The following TNRC6B variants were observed in gnomAD, a reference collection of about 807,000 sequenced individuals.
TNRC6B encodes trinucleotide repeat containing adaptor 6B.
TNRC6B carries 52 observed loss-of-function variants against 203.6 expected under a neutral mutation model. That is an observed-to-expected ratio of 0.26 (90% CI 0.20 to 0.32). The LOEUF is 0.32. Ranked by LOEUF, TNRC6B falls within the 10% of genes least tolerant of loss-of-function variation. TNRC6B has a pLI of 1.00. For missense variants in TNRC6B, 1,923 were observed against 2,286.2 expected (o/e 0.84, Z 3.24); for synonymous variants, 838 against 845.7 (o/e 0.99, Z 0.16).
intron 1 of TNRC6B, among the ~76,000 whole-genome samples, chr22:40,051,125 T>C (rs1317802941): frequency 6.6e-6 from 1 of 152,166 alleles, no homozygotes; most frequent in Non-Finnish European, 1.5e-5. Flanking sequence ...ACCCAGCCTA[T>C]CCTGTAGTTT....
At chr22:40,222,728 C>CTTTTTTTTTTTTTTTTTTTTTTTTT (rs61374373) in intron 1 of TNRC6B, among the ~76,000 whole-genome samples, 1 of 40,214 alleles carries the variant, frequency 2.5e-5, no homozygotes, top group Non-Finnish European at 4.0e-5. Context: ...CTCTCTCTCT[C>CTTTTTTTTTTTTTTTTTTTTTTTTT]TTTTTTTTTT....
intron 1 of TNRC6B, among the ~76,000 whole-genome samples, chr22:40,239,426 CAA>C (rs749500382): frequency 1.3e-5 from 2 of 152,132 alleles, no homozygotes; most frequent in Non-Finnish European, 2.9e-5. Flanking sequence ...GAGGGCCAAA[CAA>C]GAGACGGGGC....
In TNRC6B at chr22:40,312,910, T is replaced by A. The variant is rs754677829; in HGVS notation, c.4591T>A (p.Ser1531Thr). ...LLRDNTTGSN[S>T]SLNTSLPSPG... ...GTTCTTTGTTACCCAAGGGTCTAATTCTTCCCTCAACACCTCGCTGCCTTC... is the reference window on the plus strand; with the variant it reads ...GTTCTTTGTTACCCAAGGGTCTAATACTTCCCTCAACACCTCGCTGCCTTC... Residue 1531 changes from serine to threonine, a missense_variant, in exon 19 of 23, where the codon TCT becomes ACT. Transcript: ENST00000454349. 14 of 1,613,656 alleles carry A rather than the reference T, an allele frequency of 8.7e-6. No homozygotes were observed. Among genetic ancestry groups the A allele is most frequent in the African/African-American group, 1.3e-5 (1 of 75,074 alleles).
intron 3 of TNRC6B, among the ~76,000 whole-genome samples, chr22:40,154,258 T>G (rs956985349): frequency 6.6e-6 from 1 of 151,888 alleles, no homozygotes; most frequent in African/African-American, 2.4e-5. Flanking sequence ...GGTCAGGAGA[T>G]CGAGACCATC....
At chr22:40,068,817 G>A (rs7288882) in intron 1 of TNRC6B, among the ~76,000 whole-genome samples, 1 of 151,612 alleles carries the variant, frequency 6.6e-6, no homozygotes, top group Non-Finnish European at 1.5e-5. Flanking sequence ...CTCCTGGCCT[G>A]AAGTAGTCCT....
At chr22:40,156,787 A>G (rs1410660812) in intron 4 of TNRC6B, among the ~76,000 whole-genome samples, 1 of 142,472 alleles carries the variant, frequency 7.0e-6, no homozygotes, top group Non-Finnish European at 1.5e-5. Flanking sequence ...GAGACGGAGT[A>G]TCACTCTTGT....
At chr22:40,087,321 C>G (rs1312395858) in intron 1 of TNRC6B, among the ~76,000 whole-genome samples, 1 of 152,160 alleles carries the variant, frequency 6.6e-6, no homozygotes, top group Non-Finnish European at 1.5e-5. Context: ...TGCCTTCTTT[C>G]CCAGTGTTCA....
intron 1 of TNRC6B, among the ~76,000 whole-genome samples, chr22:40,229,888 G>T (rs139530598): frequency 6.6e-6 from 1 of 152,186 alleles, no homozygotes. Context: ...GCATTTGCTC[G>T]TTTTCAGCTC....
chr22:40,071,536 A>ATACT (rs2067947828), intron 1 of TNRC6B, among the ~76,000 whole-genome samples: 3 of 152,258 alleles, frequency 2.0e-5, no homozygotes, highest in Non-Finnish European at 2.9e-5. Flanking sequence ...AAGGGAATAT[A>ATACT]TACTTATGAT....
intron 1 of TNRC6B, among the ~76,000 whole-genome samples, chr22:40,078,756 C>T (rs1472593017): frequency 2.0e-5 from 3 of 151,760 alleles, no homozygotes; most frequent in Non-Finnish European, 4.4e-5. Flanking sequence ...CCATGCCTAG[C>T]TAATTTCTGT....
At chr22:40,072,758 G>A (rs1306114664) in intron 1 of TNRC6B, among the ~76,000 whole-genome samples, 1 of 151,432 alleles carries the variant, frequency 6.6e-6, no homozygotes, top group East Asian at 1.9e-4. Context: ...CAGATACTCA[G>A]GAGGCGGAGG....
chr22:40,239,333 C>T (rs2069994595), intron 1 of TNRC6B, among the ~76,000 whole-genome samples: 1 of 152,144 alleles, frequency 6.6e-6, no homozygotes, highest in African/African-American at 2.4e-5. Flanking sequence ...CTGTTACCAC[C>T]CTGGTAAAAG....
rs1056348623 is a variant in TNRC6B at position 40,265,946 on chromosome 22, A to G, written c.1716A>G (p.Gln572=). The G allele has an allele frequency of 6.2e-7, 1 of 1,614,032 alleles. No individual in the cohort carries two copies. The highest frequency in any genetic ancestry group is 8.5e-7 in the Non-Finnish European group (1 of 1,179,896). Residue 572 remains glutamine, a synonymous_variant, in exon 5 of 23, where the codon CAA becomes CAG. Transcript: ENST00000454349. ...SSSTGSEVGG[Q]STGSNHKAGS... ...CCACAGGAAGTGAAGTTGGAGGTCA[A>G]AGCACTGGAAGCAACCACAAAGCAG...
intron 1 of TNRC6B, among the ~76,000 whole-genome samples, chr22:40,241,273 C>T (rs963646762): frequency 6.6e-6 from 1 of 152,126 alleles, no homozygotes; most frequent in Admixed American, 6.5e-5. Flanking sequence ...TAGTCTGTTT[C>T]TAACAAAAAG....
rs372675327 is a variant in TNRC6B at position 40,301,025 on chromosome 22, C to G, written c.3936+20C>G. On this transcript the variant is annotated intron_variant, in intron 14 of 22. Coordinates refer to ENST00000454349, the MANE Select transcript of TNRC6B (RefSeq NM_001162501.2). Reference sequence around the variant, plus strand: ...CAGCAGGTACGTGGGTAGGCAGGGTCCCTCCAGTGCTGTGTTGGAGGAGTA... The same window carrying G: ...CAGCAGGTACGTGGGTAGGCAGGGTGCCTCCAGTGCTGTGTTGGAGGAGTA... 3 of 1,604,850 alleles carry G rather than the reference C, an allele frequency of 1.9e-6. No individual in the cohort carries two copies. Among genetic ancestry groups the G allele is most frequent in the Admixed American group, 3.4e-5 (2 of 58,384 alleles).
chr22:40,121,400 A>T (rs2068444346), intron 2 of TNRC6B, among the ~76,000 whole-genome samples: 1 of 152,264 alleles, frequency 6.6e-6, no homozygotes, highest in Non-Finnish European at 1.5e-5. Flanking sequence ...TGCAGCTTAT[A>T]TGCAGCGAGT....
At chr22:40,061,283 T>G (rs1045169804) in intron 1 of TNRC6B, among the ~76,000 whole-genome samples, 4 of 152,152 alleles carry the variant, frequency 2.6e-5, no homozygotes, top group African/African-American at 9.7e-5. Context: ...GGTGTGATCT[T>G]GGCTCACTGC....
chr22:40,266,016 A>T lies in TNRC6B; in HGVS notation c.1786A>T (p.Thr596Ser), dbSNP rs1213128270. Reference protein sequence around the residue: ...HNSGRRSYRPTHPDCQAVLQT... With the variant: ...HNSGRRSYRPSHPDCQAVLQT... The stretch of plus-strand genomic sequence containing the variant: ...CTCTGGCCGTCGGTCGTACAGGCCC[A>T]CACATCCTGATTGTCAGGCTGTCTT... Residue 596 changes from threonine to serine, a missense_variant, in exon 5 of 23, where the codon ACA (threonine) becomes TCA (serine). Coordinates refer to ENST00000454349, the MANE Select transcript of TNRC6B (RefSeq NM_001162501.2). 1.2e-6 allele frequency: 2 copies of T among 1,613,702 alleles called. No individual in the cohort carries two copies. Among genetic ancestry groups the T allele is most frequent in the Admixed American group, 1.7e-5 (1 of 60,010 alleles).
intron 3 of TNRC6B, among the ~76,000 whole-genome samples, chr22:40,133,284 ATCTCT>A (rs1265711280): frequency 3.9e-5 from 6 of 151,962 alleles, no homozygotes; most frequent in African/African-American, 1.2e-4. Flanking sequence ...TATTTGTATC[ATCTCT>A]TCTTTTTATT....
Sources: gnomAD v4.1 joint callset for allele counts (sites outside exome capture counted in the v4.1 genomes callset) on GRCh38, gnomAD v4.1.1 for gene constraint, MANE v1.5 for transcripts, NCBI Gene and HGNC (gene_info 2026-07-23, HGNC 2026-07-21) for gene names.